Variants in RNF4 observed in about 807,000 individuals in gnomAD.
RNF4 encodes the protein E3 ubiquitin-protein ligase RNF4.
Under a neutral mutation model 24.3 loss-of-function variants are expected in RNF4, and 7 were observed. That is an observed-to-expected ratio of 0.29 (90% CI 0.16 to 0.54). The LOEUF is 0.54. Ranked by LOEUF, RNF4 falls within the 20% of genes least tolerant of loss-of-function variation. The probability of loss-of-function intolerance (pLI) is 0.95; values close to 1 mark genes in which losing one functional copy is unlikely to be tolerated. For synonymous variants in RNF4, 83 were observed against 84.3 expected (o/e 0.98, Z 0.09); for missense variants, 209 against 248.5 (o/e 0.84, Z 1.07).
chr4:2,476,683 G>A (rs71606400), intron 1 of RNF4, among the ~76,000 whole-genome samples: 6,952 of 150,130 alleles, frequency 0.046, 226 homozygotes, highest in South Asian at 0.16. Context: ...GAGCCACCAC[G>A]TCCAGCCCTT....
At chr4:2,498,829 T>A (rs1200022208) in intron 3 of RNF4, among the ~76,000 whole-genome samples, 1 of 152,156 alleles carries the variant, frequency 6.6e-6, no homozygotes, top group Non-Finnish European at 1.5e-5. Flanking sequence ...ACATTGAGGC[T>A]GCAGTGAGCC....
chr4:2,478,121 C>T (rs1019433268), intron 1 of RNF4, among the ~76,000 whole-genome samples: 1 of 152,076 alleles, frequency 6.6e-6, no homozygotes, highest in African/African-American at 2.4e-5. Context: ...TTGCCCCTGC[C>T]CTAGAGATTT....
At position 2,506,478 on chromosome 4, in the gene RNF4, G is replaced by A. The variant is rs558970703; in HGVS notation, c.205-5478G>A. Among the ~76,000 whole-genome samples the A allele has an allele frequency of 3.6e-4, 55 of 152,134 alleles. 1 individual carries two copies. In the East Asian group the frequency reaches 7.3e-3, roughly 20 times the overall value. On this transcript the variant is annotated intron_variant, in intron 4 of 7. Coordinates refer to ENST00000314289, the MANE Select transcript of RNF4 (RefSeq NM_002938.5). ...ATTACAGACGTGAGCCACCATGTCC[G>A]GCCTCCTTGGTTGCTTTTTAACAGC... is the stretch of plus-strand genomic sequence containing the variant.
At chr4:2,498,237 G>A (rs1444139554) in intron 3 of RNF4, among the ~76,000 whole-genome samples, 1 of 152,108 alleles carries the variant, frequency 6.6e-6, no homozygotes, top group Non-Finnish European at 1.5e-5. Context: ...AGGTTGGAGT[G>A]CAATCGCGTG....
In RNF4 at chr4:2,512,683, C is replaced by A; in HGVS notation, c.374+86C>A. 1 of 1,504,956 alleles carries A rather than the reference C, an allele frequency of 6.6e-7. No individual in the cohort carries two copies. The highest frequency in any genetic ancestry group is 2.0e-5 in the Admixed American group (1 of 49,258). 93.2% of individuals were successfully genotyped at this position (1,504,956 alleles called of 1,614,324 possible). On this transcript the variant is annotated intron_variant, in intron 6 of 7. Coordinates refer to ENST00000314289, the MANE Select transcript of RNF4 (RefSeq NM_002938.5). This position sits in a 1 kb window ranked among gnomAD's most constrained non-coding sequence, Gnocchi z 4.1. ...ATACTTTTCAGCAAATCTGTGAGCC[C>A]TTGGCCCTGGAAGGGCTTGCCCAAG...
In RNF4 at chr4:2,484,360, A is replaced by G. The variant is rs192758128; in HGVS notation, c.-157-5977A>G. 2.1e-3 allele frequency among the ~76,000 whole-genome samples: 314 copies of G among 152,126 alleles called. 1 individual carries two copies. The highest frequency in any genetic ancestry group is 7.2e-3 in the African/African-American group (299 of 41,522). On this transcript the variant is annotated intron_variant, in intron 1 of 7. Coordinates refer to ENST00000314289, the MANE Select transcript of RNF4 (RefSeq NM_002938.5). ...GAATACAGTGGTATGAGATAGGGTCATAGAATTTGGTTCCAGTCTAACACT... is the reference window on the plus strand; with the variant it reads ...GAATACAGTGGTATGAGATAGGGTCGTAGAATTTGGTTCCAGTCTAACACT...
intron 1 of RNF4, among the ~76,000 whole-genome samples, chr4:2,481,960 T>C (rs1420126705): frequency 6.6e-6 from 1 of 152,084 alleles, no homozygotes; most frequent in Non-Finnish European, 1.5e-5. Context: ...CTAGGTAAAG[T>C]GTTGAAGGAG....
At chr4:2,499,160 G>T (rs1481325632) in intron 3 of RNF4, among the ~76,000 whole-genome samples, 1 of 152,062 alleles carries the variant, frequency 6.6e-6, no homozygotes, top group Non-Finnish European at 1.5e-5. Context: ...TCGTGCCACT[G>T]CACTCCTGCC....
intron 4 of RNF4, among the ~76,000 whole-genome samples, chr4:2,506,817 A>G (rs973237240): frequency 2.0e-5 from 3 of 152,010 alleles, no homozygotes; most frequent in African/African-American, 7.2e-5. Context: ...TGATCCTCCC[A>G]CCTTGGTTTC....
chr4:2,502,912 A>G (rs943008015), intron 4 of RNF4, among the ~76,000 whole-genome samples: 3 of 151,130 alleles, frequency 2.0e-5, no homozygotes, highest in Non-Finnish European at 4.4e-5. Context: ...GAGCAGTGGC[A>G]TGATCACACC....
chr4:2,508,006 G>A (rs1194500094), intron 4 of RNF4, among the ~76,000 whole-genome samples: 1 of 152,044 alleles, frequency 6.6e-6, no homozygotes, highest in Non-Finnish European at 1.5e-5. Context: ...GGTACACACT[G>A]CCATGCCCAG....
intron 6 of RNF4, 45 bp from the exon 7 acceptor site, chr4:2,513,038 T>C (rs1736312627): frequency 3.8e-6 from 6 of 1,588,142 alleles, no homozygotes; most frequent in Middle Eastern, 1.7e-4. Flanking sequence ...TATAATAAAA[T>C]GTTTGCGTTG....
At position 2,513,549 on chromosome 4, in the gene RNF4, A is replaced by T. The variant is rs775456409; in HGVS notation, c.424-121A>T. 22 of 1,175,632 alleles carry T rather than the reference A, an allele frequency of 1.9e-5. No homozygotes were observed. In the East Asian group the frequency reaches 4.8e-4, roughly 25 times the overall value. The allele number at this position is 1,175,632 out of a possible 1,614,324, so 72.8% of individuals were successfully genotyped here. On this transcript the variant is annotated intron_variant, in intron 7 of 7. Transcript: ENST00000314289. ...AGCTCTCCAGACCCCTCCCTGTTGT[A>T]GCCTGGCCCTTGCTTTCCTTTAATT...
intron 1 of RNF4, among the ~76,000 whole-genome samples, chr4:2,481,551 G>C (rs1042393128): frequency 1.3e-5 from 2 of 152,140 alleles, no homozygotes; most frequent in African/African-American, 4.8e-5. Context: ...ATATTTTGGA[G>C]CCTGGTGATT....
chr4:2,496,377 C>G (rs1277626660), intron 2 of RNF4, among the ~76,000 whole-genome samples: 1 of 152,192 alleles, frequency 6.6e-6, no homozygotes, highest in African/African-American at 2.4e-5. Flanking sequence ...AGTTTCCAGC[C>G]TTTTGGCCAG....
intron 4 of RNF4, among the ~76,000 whole-genome samples, chr4:2,503,464 C>T (rs1735977202): frequency 6.6e-6 from 1 of 152,162 alleles, no homozygotes. Flanking sequence ...GTCCTAGGTT[C>T]TGGTCTCTCA....
At chr4:2,507,402 C>G (rs1329400717) in intron 4 of RNF4, among the ~76,000 whole-genome samples, 6 of 152,224 alleles carry the variant, frequency 3.9e-5, no homozygotes, top group Non-Finnish European at 8.8e-5. Flanking sequence ...ATTGTCCGCA[C>G]CAGTCTTCCC....
chr4:2,495,645 G>GGA (rs1553878675), intron 2 of RNF4, among the ~76,000 whole-genome samples: 5 of 148,630 alleles, frequency 3.4e-5, no homozygotes, highest in Admixed American at 2.7e-4. Context: ...TTTTTGGGGG[G>GGA]GGGTGAGATG....
At chr4:2,511,862 G>T (rs1560415005) in intron 4 of RNF4, 94 bp from the exon 5 acceptor site, 1 of 1,263,620 alleles carries the variant, frequency 7.9e-7, no homozygotes, top group South Asian at 1.3e-5. Context: ...TCCACAGAGG[G>T]TGTCACACGT....
Sources: gnomAD v4.1 joint callset for allele counts (sites outside exome capture counted in the v4.1 genomes callset) on GRCh38, gnomAD v4.1.1 for gene constraint, Gnocchi (gnomAD v3.1) non-coding constraint, MANE v1.5 for transcripts, NCBI Gene and HGNC (gene_info 2026-07-23, HGNC 2026-07-21) for gene names.